RELN: variants seen among roughly 807,000 people sequenced by gnomAD.
The protein encoded by RELN is reelin.
In RELN, 108 loss-of-function variants were observed where a neutral mutation model predicts 427.6. The observed-to-expected ratio is 0.25, with a 90% CI of 0.22 to 0.30. The LOEUF (loss-of-function observed/expected upper bound fraction) is 0.30. RELN is among the 10% of genes least tolerant of loss of function. The probability of loss-of-function intolerance (pLI) is 1.00; values close to 1 mark genes in which losing one functional copy is unlikely to be tolerated. For synonymous variants in RELN, 1,524 were observed against 1,513.4 expected, an observed-to-expected ratio of 1.01 and a Z score of -0.16; for missense variants, 3,715 against 4,302.8, an observed-to-expected ratio of 0.86 and a Z score of 3.82.
chr7:103,755,786 C>G (rs13311057), intron 4 of RELN, among the ~76,000 whole-genome samples: 1 of 122,788 alleles, frequency 8.1e-6, no homozygotes, highest in Non-Finnish European at 1.6e-5. Context: ...GCACTCCAGT[C>G]TGGGGGACAG....
At chr7:103,986,985 AAATT>A (rs1288911625) in intron 1 of RELN, among the ~76,000 whole-genome samples, 2 of 149,686 alleles carry the variant, frequency 1.3e-5, no homozygotes, top group East Asian at 2.0e-4. Context: ...TGAATTTTTT[AAATT>A]AATTTTCAAA....
intron 3 of RELN, among the ~76,000 whole-genome samples, chr7:103,797,682 T>C (rs1481393197): frequency 2.6e-5 from 4 of 152,192 alleles, no homozygotes; most frequent in African/African-American, 9.6e-5. Context: ...GTGTAATTTA[T>C]TAAATTACCA....
At chr7:103,662,625 C>CAAAAAA (rs747230376) in intron 11 of RELN, among the ~76,000 whole-genome samples, 32 of 76,982 alleles carry the variant, frequency 4.2e-4, no homozygotes, top group Admixed American at 7.4e-4. Flanking sequence ...GACTCCGTCA[C>CAAAAAA]AAAAAAAAAA....
chr7:103,741,157 G>A (rs499238), intron 6 of RELN, among the ~76,000 whole-genome samples: 33,273 of 152,038 alleles, frequency 0.22, 4,816 homozygotes, highest in African/African-American at 0.41. Flanking sequence ...AGAAGCTTTG[G>A]GAGAGTTAAA....
intron 1 of RELN, among the ~76,000 whole-genome samples, chr7:103,978,956 G>C (rs1796935704): frequency 6.6e-6 from 1 of 152,186 alleles, no homozygotes; most frequent in African/African-American, 2.4e-5. Flanking sequence ...GCTCATCAGA[G>C]AATGGTACAG....
At chr7:103,566,079 A>G in intron 33 of RELN, 145 bp downstream of exon 33, 2 of 721,126 alleles carry the variant, frequency 2.8e-6, no homozygotes, top group South Asian at 1.6e-5. Flanking sequence ...TCTTAGCACA[A>G]TAAAACTTTT....
intron 2 of RELN, among the ~76,000 whole-genome samples, chr7:103,875,798 G>A (rs7784991): frequency 0.14 from 21,839 of 151,872 alleles, 1,883 homozygotes; most frequent in East Asian, 0.34. Flanking sequence ...AATCACCTTG[G>A]GACCTGCTAA....
chr7:103,664,279 C>T (rs1193040827), intron 11 of RELN, among the ~76,000 whole-genome samples: 14 of 152,106 alleles, frequency 9.2e-5, no homozygotes, highest in Non-Finnish European at 2.9e-5. Flanking sequence ...TATAAAAGGT[C>T]CTTGTGTGTT....
At position 103,515,190 on chromosome 7, in the gene RELN, G is replaced by A. The variant is rs1554368281; in HGVS notation, c.8114C>T (p.Thr2705Ile). Reference sequence around the variant, plus strand: ...TAGCGCTGTGCATAATTTACCTGAAGTTTTGTCTTCCATAAACATGTCAAA... The same window carrying A: ...TAGCGCTGTGCATAATTTACCTGAAATTTTGTCTTCCATAAACATGTCAAA... ...IAFDMFMEDK[T>I]SVNEHWLFHD... Residue 2705 changes from threonine (T) to isoleucine (I), a missense_variant, in exon 50 of 65, where the codon ACT becomes ATT. Thr to Ile is a moderately conservative substitution (Grantham distance 89). Coordinates refer to ENST00000428762, the MANE Select transcript of RELN (RefSeq NM_005045.4). The A allele has an allele frequency of 2.5e-6, 4 of 1,614,170 alleles. No individual in the cohort carries two copies. Among genetic ancestry groups the A allele is most frequent in the Non-Finnish European group, 3.4e-6 (4 of 1,180,030 alleles).
chr7:103,654,025 G>A (rs1255568670), intron 13 of RELN, 68 bp downstream of exon 13: 5 of 873,382 alleles, frequency 5.7e-6, no homozygotes, highest in Non-Finnish European at 9.9e-6. Flanking sequence ...TGGTCTTTGT[G>A]GTTTTGACTT....
At position 103,936,769 on chromosome 7, in the gene RELN, C is replaced by T. The variant is rs1035011012; in HGVS notation, c.227-19584G>A. On this transcript the variant is annotated intron_variant, in intron 1 of 64. Transcript: ENST00000428762. ...ACACACACACACACACACACACACA[C>T]ACACACTTTCCTGGTAAAATTCTAT... 8.6e-5 allele frequency among the ~76,000 whole-genome samples: 12 copies of T among 139,766 alleles called. No homozygotes were observed. The South Asian group carries it at 2.7e-3, about 32-fold the overall frequency. The allele number at this position is 139,766 out of a possible 152,430, so 91.7% of individuals were successfully genotyped here. A position where few individuals can be genotyped will look rare whatever the true frequency, so the allele number is the denominator to read the frequency against.
chr7:103,911,928 G>A (rs1354105061), intron 2 of RELN, among the ~76,000 whole-genome samples: 33 of 149,280 alleles, frequency 2.2e-4, no homozygotes, highest in Admixed American at 7.4e-4. Flanking sequence ...TGGGTGCAGC[G>A]CACCAGCATG....
intron 6 of RELN, 37 bp downstream of exon 6, chr7:103,749,389 T>C: frequency 6.6e-7 from 1 of 1,522,152 alleles, no homozygotes. Context: ...TTTGTTACAT[T>C]AAGCAAACCA....
intron 11 of RELN, among the ~76,000 whole-genome samples, chr7:103,680,805 T>G (rs964662944): frequency 6.6e-6 from 1 of 152,116 alleles, no homozygotes; most frequent in African/African-American, 2.4e-5. Context: ...CACATGAAAC[T>G]TCAGGGTGTC....
At chr7:103,983,433 C>G (rs1021757636) in intron 1 of RELN, among the ~76,000 whole-genome samples, 1 of 152,184 alleles carries the variant, frequency 6.6e-6, no homozygotes, top group Non-Finnish European at 1.5e-5. Context: ...GAGATCATGT[C>G]ATTTCATGCG....
chr7:103,701,839 T>C (rs75125422), intron 8 of RELN, among the ~76,000 whole-genome samples: 44 of 152,068 alleles, frequency 2.9e-4, no homozygotes, highest in African/African-American at 9.4e-4. Context: ...CAAAAAAAAA[T>C]AGTGCAATTT....
chr7:103,508,513 G>A (rs985222244), intron 51 of RELN, among the ~76,000 whole-genome samples: 2 of 152,122 alleles, frequency 1.3e-5, no homozygotes, highest in African/African-American at 4.8e-5. Context: ...AATAATAAGA[G>A]CTATTTATGA....
chr7:103,974,704 T>C (rs1796835305), intron 1 of RELN, among the ~76,000 whole-genome samples: 1 of 152,204 alleles, frequency 6.6e-6, no homozygotes, highest in African/African-American at 2.4e-5. Context: ...TTTGGGGAAA[T>C]TTGTCGAGTT....
At chr7:103,851,243 C>G (rs957347599) in intron 2 of RELN, among the ~76,000 whole-genome samples, 2 of 152,166 alleles carry the variant, frequency 1.3e-5, no homozygotes, top group Non-Finnish European at 2.9e-5. Context: ...AATGGAAAAA[C>G]CAAACATCGT....
Sources: gnomAD v4.1 joint callset for allele counts (sites outside exome capture counted in the v4.1 genomes callset) on GRCh38, gnomAD v4.1.1 for gene constraint, MANE v1.5 for transcripts, NCBI Gene and HGNC (gene_info 2026-07-23, HGNC 2026-07-21) for gene names.